The following ANKDD1B variants were observed in gnomAD, a reference collection of about 807,000 sequenced individuals.
The protein encoded by ANKDD1B is ankyrin repeat and death domain-containing protein 1B.
ANKDD1B carries 57 observed loss-of-function variants against 59.7 expected under a neutral mutation model. That is an observed-to-expected ratio of 0.95 (90% CI 0.77 to 1.19). ANKDD1B has a LOEUF of 1.19. Ranked by LOEUF, ANKDD1B falls within the 50% of genes most tolerant of loss-of-function variation. The pLI, the probability that ANKDD1B is intolerant of heterozygous loss-of-function variation, is 0.00. For synonymous variants in ANKDD1B, 216 were observed against 239.5 expected, an observed-to-expected ratio of 0.90 and a Z score of 0.91; for missense variants, 602 against 641.9, an observed-to-expected ratio of 0.94 and a Z score of 0.67.
chr5:75,668,862 A>G (rs1775387601), intron 12 of ANKDD1B, among the ~76,000 whole-genome samples: 2 of 152,226 alleles, frequency 1.3e-5, no homozygotes, highest in African/African-American at 4.8e-5. Flanking sequence ...TGTTAGATGC[A>G]TGGATTCTTA....
Position 75,641,561 on chromosome 5 carries a change from A to G in ANKDD1B, c.798+5679A>G, listed in dbSNP as rs182240668. On this transcript the variant is annotated intron_variant, in intron 7 of 13. Transcript: ENST00000601380. ...AATCCATACACATATATATACCAACACTGTATAAACAGTAGCACAGTATAT... is the reference window on the plus strand; with the variant it reads ...AATCCATACACATATATATACCAACGCTGTATAAACAGTAGCACAGTATAT... Among the ~76,000 whole-genome samples the G allele has an allele frequency of 1.6e-3, 244 of 152,274 alleles. 2 individuals carry two copies. The highest frequency in any genetic ancestry group is 2.8e-3 in the Admixed American group (43 of 15,296).
intron 8 of ANKDD1B, among the ~76,000 whole-genome samples, chr5:75,653,836 A>T (rs1774892066): frequency 6.6e-6 from 1 of 152,006 alleles, no homozygotes; most frequent in African/African-American, 2.4e-5. Flanking sequence ...AAGAGGAGGG[A>T]TGTGGTTTAA....
rs974502601 is a variant in ANKDD1B at position 75,671,673 on chromosome 5, G to C, written c.*633G>C. On this transcript the variant is annotated 3_prime_UTR_variant, in exon 14 of 14. Transcript: ENST00000601380. ...CACATTTTGTGTAATATATTACTTA[G>C]GAAAGACCAGAAGTATGTACACCAT... is the stretch of plus-strand genomic sequence containing the variant. 3 of 150,478 alleles carry C rather than the reference G, an allele frequency of 2.0e-5. No individual in the cohort carries two copies. The highest frequency in any genetic ancestry group is 4.9e-5 in the African/African-American group (2 of 40,610). 9.3% of individuals were successfully genotyped at this position (150,478 alleles called of 1,614,324 possible). A position where few individuals can be genotyped will look rare whatever the true frequency, so the allele number is the denominator to read the frequency against.
At chr5:75,620,290 A>T in intron 2 of ANKDD1B, 25 bp from the exon 3 acceptor site, 1 of 1,307,996 alleles carries the variant, frequency 7.6e-7, no homozygotes, top group Non-Finnish European at 1.1e-6. Context: ...TCAGATGACT[A>T]AAAACATAAA....
chr5:75,629,240 G>A (rs944331784), intron 5 of ANKDD1B, among the ~76,000 whole-genome samples: 2 of 151,440 alleles, frequency 1.3e-5, no homozygotes, highest in East Asian at 1.9e-4. Flanking sequence ...CCCCACCAGT[G>A]CCACTTTTTC....
rs1458460030 is a variant in ANKDD1B at position 75,663,478 on chromosome 5, G to T, written c.1180G>T (p.Ala394Ser). The T allele has an allele frequency of 4.6e-6, 7 of 1,536,186 alleles. No individual in the cohort carries two copies. The highest frequency in any genetic ancestry group is 1.4e-5 in the African/African-American group (1 of 73,034). ...GCTCATTAAAGCAGAGAGATACTACGCCTGGAGAGAGGTAAGGAAGGACGA... is the reference window on the plus strand; with the variant it reads ...GCTCATTAAAGCAGAGAGATACTACTCCTGGAGAGAGGTAAGGAAGGACGA... ...GMLIKAERYY[A>S]WREEHHESIR... Residue 394 changes from alanine (A) to serine (S), a missense_variant, in exon 11 of 14, where the codon GCC becomes TCC. Transcript: ENST00000601380.
intron 2 of ANKDD1B, among the ~76,000 whole-genome samples, chr5:75,618,353 C>T (rs918414587): frequency 1.3e-5 from 2 of 152,164 alleles, no homozygotes; most frequent in African/African-American, 4.8e-5. Context: ...CTATTCAAAA[C>T]ATTTAACATT....
chr5:75,614,534 C>T (rs1773665112), intron 1 of ANKDD1B, among the ~76,000 whole-genome samples: 1 of 152,136 alleles, frequency 6.6e-6, no homozygotes, highest in Non-Finnish European at 1.5e-5. Context: ...AATTGTGTCC[C>T]AATACCAAGT....
chr5:75,670,865 T>TA, intron 13 of ANKDD1B, 114 bp from the exon 14 acceptor site: 1 of 406,086 alleles, frequency 2.5e-6, no homozygotes, highest in Non-Finnish European at 4.2e-6. Flanking sequence ...GGAAAGAAAA[T>TA]AAAAATGTTT....
chr5:75,659,346 C>T lies in ANKDD1B; in HGVS notation c.1060C>T (p.Leu354=). Residue 354 remains leucine (L), a synonymous_variant, in exon 10 of 14, where the codon CTG becomes TTG. Coordinates refer to ENST00000601380, the MANE Select transcript of ANKDD1B (RefSeq NM_001276713.2). ...AAATGTGGAACTGGTGGAAACCCTG[C>T]TGAAGGCAGGCTGTGACTTGAAGGC... The part of the protein sequence containing the change: ...RGNVELVETL[L]KAGCDLKAVD... 6.5e-7 allele frequency: 1 copy of T among 1,536,058 alleles called. No individual in the cohort carries two copies. The highest frequency in any genetic ancestry group is 8.7e-7 in the Non-Finnish European group (1 of 1,146,854).
At chr5:75,636,664 C>A (rs1328297782) in intron 7 of ANKDD1B, among the ~76,000 whole-genome samples, 2 of 152,224 alleles carry the variant, frequency 1.3e-5, no homozygotes, top group Admixed American at 1.3e-4. Flanking sequence ...TGGGGAGGAC[C>A]AGTCAGGTGA....
intron 7 of ANKDD1B, among the ~76,000 whole-genome samples, chr5:75,651,165 C>T (rs1318522720): frequency 3.3e-5 from 5 of 152,172 alleles, no homozygotes; most frequent in South Asian, 2.1e-4. Flanking sequence ...GACCCAGATT[C>T]AAGGAGGTGG....
At chr5:75,642,287 C>T (rs974856822) in intron 7 of ANKDD1B, among the ~76,000 whole-genome samples, 13 of 152,010 alleles carry the variant, frequency 8.6e-5, no homozygotes, top group East Asian at 3.9e-4. Flanking sequence ...CAGCTCCCAG[C>T]GTGAGCGACG....
intron 8 of ANKDD1B, among the ~76,000 whole-genome samples, chr5:75,655,540 C>T (rs1398282942): frequency 6.6e-6 from 1 of 152,204 alleles, no homozygotes; most frequent in Non-Finnish European, 1.5e-5. Context: ...GCCTATTTAA[C>T]ACTTACTTAT....
chr5:75,618,832 A>C (rs191519447), intron 2 of ANKDD1B, among the ~76,000 whole-genome samples: 47 of 152,084 alleles, frequency 3.1e-4, no homozygotes, highest in Non-Finnish European at 6.3e-4. Context: ...TGCAACCTCC[A>C]CCTCCTGGGT....
At chr5:75,654,974 C>G (rs1446533961) in intron 8 of ANKDD1B, among the ~76,000 whole-genome samples, 6 of 152,248 alleles carry the variant, frequency 3.9e-5, no homozygotes, top group Middle Eastern at 3.4e-3. Flanking sequence ...CTGGATGCCC[C>G]TCACCTCCCT....
chr5:75,653,010 A>G, intron 7 of ANKDD1B, 132 bp from the exon 8 acceptor site: 1 of 681,718 alleles, frequency 1.5e-6, no homozygotes, highest in East Asian at 2.8e-5. Flanking sequence ...CATTGACCAA[A>G]TCACTGTTAA....
intron 10 of ANKDD1B, 81 bp downstream of exon 10, chr5:75,659,462 T>A: frequency 1.0e-6 from 1 of 986,046 alleles, no homozygotes; most frequent in Non-Finnish European, 1.5e-6. Context: ...AGCAGCGTTA[T>A]TGGAATATCC....
rs1775482571 is a variant in ANKDD1B at position 75,671,457 on chromosome 5, T to G, written c.*417T>G. 6.5e-6 allele frequency: 1 copy of G among 152,800 alleles called. No individual in the cohort carries two copies. Among genetic ancestry groups the G allele is most frequent in the African/African-American group, 2.4e-5 (1 of 41,498 alleles). The allele number at this position is 152,800 out of a possible 1,614,324, so 9.5% of individuals were successfully genotyped here. A position where few individuals can be genotyped will look rare whatever the true frequency, so the allele number is the denominator to read the frequency against. Reference sequence around the variant, plus strand: ...AACCTTTGGGCATGTTAATGTTGTTTACGTTCTTAGATCTTCAGTTTCCTT... The same window carrying G: ...AACCTTTGGGCATGTTAATGTTGTTGACGTTCTTAGATCTTCAGTTTCCTT... On this transcript the variant is annotated 3_prime_UTR_variant, in exon 14 of 14. Coordinates refer to ENST00000601380, the MANE Select transcript of ANKDD1B (RefSeq NM_001276713.2).
Sources: gnomAD v4.1 joint callset for allele counts (sites outside exome capture counted in the v4.1 genomes callset) on GRCh38, gnomAD v4.1.1 for gene constraint, MANE v1.5 for transcripts, NCBI Gene and HGNC (gene_info 2026-07-23, HGNC 2026-07-21) for gene names.